UGT1A4: variants seen among roughly 807,000 people sequenced by gnomAD.
UGT1A4 encodes UDP-glucuronosyltransferase 1A4.
In UGT1A4, 32 loss-of-function variants were observed where a neutral mutation model predicts 41.1. The ratio of observed to expected loss-of-function variants is 0.78; its 90% CI spans 0.59 to 1.05. The LOEUF (loss-of-function observed/expected upper bound fraction) is 1.05, where lower values mean the gene tolerates loss of function less well. Among genes scored for constraint, UGT1A4 ranks in the 50% least tolerant of loss-of-function variants. The pLI, the probability that UGT1A4 is intolerant of heterozygous loss-of-function variation, is 0.00. For missense variants in UGT1A4, 748 were observed against 677.4 expected (o/e 1.10, Z -1.16); for synonymous variants, 283 against 265.1 (o/e 1.07, Z -0.66).
intron 1 of UGT1A4, among the ~76,000 whole-genome samples, chr2:233,745,325 C>G (rs901195420): frequency 6.6e-6 from 1 of 151,822 alleles, no homozygotes; most frequent in African/African-American, 2.4e-5. Context: ...ACTAGAACTG[C>G]TATATCATGA....
chr2:233,749,951 T>C (rs566356604), intron 1 of UGT1A4, among the ~76,000 whole-genome samples: 1 of 151,998 alleles, frequency 6.6e-6, no homozygotes, highest in South Asian at 2.1e-4. Context: ...AATTACCGAG[T>C]CTTGGGTATG....
Position 233,757,147 on chromosome 2 carries a change from C to T in UGT1A4, c.868-9887C>T, listed in dbSNP as rs1696419707. Among the ~76,000 whole-genome samples, 3 of 151,258 alleles carry T rather than the reference C, an allele frequency of 2.0e-5. No individual in the cohort carries two copies. The South Asian group carries it at 6.3e-4, about 32-fold the overall frequency. Reference sequence around the variant, plus strand: ...GGAGGAATGAGCTTGGACAGGTGGGCTGGGGTCTATCCCAGAGTTTTGAGA... The same window carrying T: ...GGAGGAATGAGCTTGGACAGGTGGGTTGGGGTCTATCCCAGAGTTTTGAGA... On this transcript the variant is annotated intron_variant, in intron 1 of 4. Transcript: ENST00000373409.
intron 1 of UGT1A4, chr2:233,722,063 A>G (rs2076988750): frequency 4.1e-6 from 1 of 244,354 alleles, no homozygotes; most frequent in Non-Finnish European, 8.2e-6. Context: ...GGTCAAGTGA[A>G]TAAAGAAGAA....
At chr2:233,741,288 A>G (rs1260428951) in intron 1 of UGT1A4, among the ~76,000 whole-genome samples, 2 of 151,770 alleles carry the variant, frequency 1.3e-5, no homozygotes, top group Non-Finnish European at 2.9e-5. Context: ...GGATTTATGT[A>G]CCCAATTGTG....
At chr2:233,737,978 G>C (rs1166842032) in intron 1 of UGT1A4, among the ~76,000 whole-genome samples, 1 of 152,014 alleles carries the variant, frequency 6.6e-6, no homozygotes, top group East Asian at 1.9e-4. Context: ...ATTTAATATG[G>C]TTTGGCTCTG....
intron 1 of UGT1A4, among the ~76,000 whole-genome samples, chr2:233,753,860 A>G (rs1273913066): frequency 1.3e-5 from 2 of 152,194 alleles, no homozygotes; most frequent in Non-Finnish European, 2.9e-5. Flanking sequence ...CCAACCACAT[A>G]ACCCCAAGGT....
Position 233,772,646 on chromosome 2 carries a change from A to G in UGT1A4, c.*87A>G. The G allele has an allele frequency of 6.5e-7, 1 of 1,549,870 alleles. No individual in the cohort carries two copies. ...ACAGAATCAGTGTTAAATTCATTTTATTCTTATTAAGGAAATACTTTGCAT... is the reference window on the plus strand; with the variant it reads ...ACAGAATCAGTGTTAAATTCATTTTGTTCTTATTAAGGAAATACTTTGCAT... On this transcript the variant is annotated 3_prime_UTR_variant, in exon 5 of 5. Transcript: ENST00000373409.
At chr2:233,753,812 C>G (rs1215022778) in intron 1 of UGT1A4, among the ~76,000 whole-genome samples, 1 of 152,152 alleles carries the variant, frequency 6.6e-6, no homozygotes, top group Non-Finnish European at 1.5e-5. Flanking sequence ...AGTTGGAGAA[C>G]CACGTTAGGG....
chr2:233,718,828 G>C lies in UGT1A4; in HGVS notation c.8G>C (p.Arg3Thr), dbSNP rs137930413. 3.0e-4 allele frequency: 479 copies of C among 1,613,554 alleles called. 1 individual carries two copies. Among genetic ancestry groups the C allele is most frequent in the Admixed American group, 4.7e-4 (28 of 60,022 alleles). Reference protein sequence around the residue: MARGLQVPLPRLA... With the variant: MATGLQVPLPRLA... ...TCGGTGGCTTCTGCTGAGATGGCCA[G>C]AGGACTCCAGGTTCCCCTGCCGCGG... Residue 3 changes from arginine (R) to threonine (T), a missense_variant, in exon 1 of 5, where the codon AGA becomes ACA. Transcript: ENST00000373409.
intron 1 of UGT1A4, among the ~76,000 whole-genome samples, chr2:233,762,846 A>G (rs1269023335): frequency 6.6e-6 from 1 of 152,164 alleles, no homozygotes; most frequent in Non-Finnish European, 1.5e-5. Flanking sequence ...ATAGGCAGTC[A>G]TTTGCTGATA....
rs1298347226 is a variant in UGT1A4, at chr2:233,768,214, T to C, written c.1088-6T>C. ...CTGCTGACATCCTCCCTATTTTGCA[T>C]CTCAGGTCACCCGATGACCCGTGCC... On this transcript the variant is annotated splice_polypyrimidine_tract_variant and splice_region_variant and intron_variant, in intron 3 of 4. Coordinates refer to ENST00000373409, the MANE Select transcript of UGT1A4 (RefSeq NM_007120.3). The C allele has an allele frequency of 3.7e-6, 6 of 1,614,204 alleles. No homozygotes were observed. The highest frequency in any genetic ancestry group is 5.1e-6 in the Non-Finnish European group (6 of 1,180,044).
intron 1 of UGT1A4, chr2:233,747,887 T>G (rs1394358402): frequency 6.2e-6 from 10 of 1,613,492 alleles, no homozygotes; most frequent in African/African-American, 1.3e-5. Context: ...ACCTTTGCCA[T>G]GCTCTTTCTG....
In UGT1A4 at chr2:233,772,609, C is replaced by T; in HGVS notation, c.*50C>T. On this transcript the variant is annotated 3_prime_UTR_variant, in exon 5 of 5. Transcript: ENST00000373409. The stretch of plus-strand genomic sequence containing the variant: ...ATTTTGAACCATTCCCTAGTCATTT[C>T]CAAACTTGAAAACAGAATCAGTGTT... 1 of 1,581,700 alleles carries T rather than the reference C, an allele frequency of 6.3e-7. No homozygotes were observed. Among genetic ancestry groups the T allele is most frequent in the Non-Finnish European group, 8.6e-7 (1 of 1,163,020 alleles).
chr2:233,733,516 A>G (rs1473701197), intron 1 of UGT1A4, among the ~76,000 whole-genome samples: 1 of 152,232 alleles, frequency 6.6e-6, no homozygotes, highest in East Asian at 1.9e-4. Context: ...TTTAGGCATG[A>G]AGGGATGTTT....
chr2:233,760,811 T>G (rs72551341), intron 1 of UGT1A4: 1 of 1,613,198 alleles, frequency 6.2e-7, no homozygotes, highest in South Asian at 1.1e-5. Context: ...TTGCATGCAC[T>G]GCCATGCAGC....
At chr2:233,732,755 GT>G (rs956485327) in intron 1 of UGT1A4, among the ~76,000 whole-genome samples, 12,936 of 120,072 alleles carry the variant, frequency 0.11, 575 homozygotes, top group East Asian at 0.2. Context: ...CACCAGCTTT[GT>G]TTTTTTTTTT....
At chr2:233,755,393 A>C in intron 1 of UGT1A4, 1 of 341,520 alleles carries the variant, frequency 2.9e-6, no homozygotes, top group South Asian at 2.4e-5. Context: ...TGACGCAGCC[A>C]CATCTCATTG....
At chr2:233,765,087 G>A (rs1381800370) in intron 1 of UGT1A4, among the ~76,000 whole-genome samples, 3 of 152,094 alleles carry the variant, frequency 2.0e-5, no homozygotes, top group African/African-American at 7.2e-5. Flanking sequence ...CACATCTAGG[G>A]TGACCAGCAT....
chr2:233,757,535 A>AATAT (rs67292694), intron 1 of UGT1A4, among the ~76,000 whole-genome samples: 4,411 of 88,266 alleles, frequency 0.05, 328 homozygotes, highest in Non-Finnish European at 0.062. Context: ...GCCTGTAAGG[A>AATAT]ATATATATAT....
Sources: allele counts gnomAD v4.1 joint callset (sites outside exome capture counted in the v4.1 genomes callset), GRCh38; gene constraint gnomAD v4.1.1; transcripts MANE v1.5; gene names NCBI Gene and HGNC (gene_info 2026-07-23, HGNC 2026-07-21).